BRAF: variants seen among roughly 807,000 people sequenced by gnomAD.
The protein encoded by BRAF is serine/threonine-protein kinase B-raf.
In BRAF, 16 loss-of-function variants were observed where a neutral mutation model predicts 104.6. The ratio of observed to expected loss-of-function variants is 0.15; its 90% CI spans 0.10 to 0.23. BRAF has a LOEUF of 0.23. Ranked by LOEUF, BRAF falls within the 10% of genes least tolerant of loss-of-function variation. The pLI is 1.00. For synonymous variants in BRAF, 310 were observed against 341.6 expected (o/e 0.91, Z 1.02); for missense variants, 541 against 937.3 (o/e 0.58, Z 5.52).
At chr7:140,750,345 C>A (rs28577882) in intron 16 of BRAF, among the ~76,000 whole-genome samples, 16,879 of 152,144 alleles carry the variant, frequency 0.11, 1,132 homozygotes, top group African/African-American at 0.19. Flanking sequence ...GTAAGGCAGG[C>A]ATCTCACAAG....
intron 1 of BRAF, among the ~76,000 whole-genome samples, chr7:140,891,053 CACAGT>C (rs1814163715): frequency 6.6e-6 from 1 of 152,140 alleles, no homozygotes; most frequent in Non-Finnish European, 1.5e-5. Context: ...GATTTGAACT[CACAGT>C]ACAGTAGAGG....
chr7:140,858,759 T>C (rs983878685), intron 1 of BRAF, among the ~76,000 whole-genome samples: 10 of 152,132 alleles, frequency 6.6e-5, no homozygotes, highest in African/African-American at 2.4e-4. Flanking sequence ...TTAGGAGATA[T>C]ACACACAGTA....
chr7:140,893,321 C>T (rs1032710019), intron 1 of BRAF, among the ~76,000 whole-genome samples: 12 of 151,476 alleles, frequency 7.9e-5, no homozygotes, highest in African/African-American at 2.7e-4. Flanking sequence ...GCGATCTCAG[C>T]TCACTGCAAG....
At chr7:140,792,237 T>C (rs1412584809) in intron 8 of BRAF, among the ~76,000 whole-genome samples, 12 of 152,170 alleles carry the variant, frequency 7.9e-5, no homozygotes. Flanking sequence ...AAAACCACAT[T>C]ATTGACAGTC....
At chr7:140,781,749 T>C (rs1800898539) in intron 11 of BRAF, 56 bp from the exon 11 acceptor site, 2 of 1,391,882 alleles carry the variant, frequency 1.4e-6, no homozygotes, top group Middle Eastern at 1.8e-4. Context: ...GAAAACCTTA[T>C]GTTTCACCCT....
At position 140,870,934 on chromosome 7, in the gene BRAF, G is replaced by C. The variant is rs114624480; in HGVS notation, c.139-20722C>G. ...TTAGATGCAAATCACATGTTCAAGA[G>C]TAACTCAGTCTGGCTGGGCGCGGTG... On this transcript the variant is annotated intron_variant, in intron 1 of 19. Transcript: ENST00000644969. Among the ~76,000 whole-genome samples the C allele has an allele frequency of 5.5e-3, 831 of 151,204 alleles. 7 individuals are homozygous for C. The highest frequency in any genetic ancestry group is 0.019 in the African/African-American group (778 of 41,238).
intron 2 of BRAF, among the ~76,000 whole-genome samples, chr7:140,842,957 GAGA>G (rs1808131541): frequency 6.6e-6 from 1 of 152,172 alleles, no homozygotes; most frequent in South Asian, 2.1e-4. Context: ...CTACAATGAA[GAGA>G]AGAAGCAAGA....
chr7:140,732,355 A>C (rs904489946), intron 19 of BRAF: 2 of 151,936 alleles, frequency 1.3e-5, no homozygotes, highest in African/African-American at 2.4e-5. Flanking sequence ...TAATGTTTTT[A>C]TTTGGAGAAT....
At chr7:140,826,488 A>G (rs1191687400) in intron 3 of BRAF, among the ~76,000 whole-genome samples, 1 of 152,148 alleles carries the variant, frequency 6.6e-6, no homozygotes, top group African/African-American at 2.4e-5. Context: ...TTTCCATCAC[A>G]CCATTTGAAG....
intron 14 of BRAF, among the ~76,000 whole-genome samples, chr7:140,764,686 C>T (rs1448103466): frequency 6.6e-6 from 1 of 152,190 alleles, no homozygotes; most frequent in African/African-American, 2.4e-5. Context: ...CATGAGTGAA[C>T]TTCCATTCAC....
intron 1 of BRAF, among the ~76,000 whole-genome samples, chr7:140,895,061 G>A (rs1412881797): frequency 2.0e-5 from 3 of 152,076 alleles, no homozygotes; most frequent in South Asian, 2.1e-4. Context: ...AAACACAGTC[G>A]TAAAATCCCT....
intron 1 of BRAF, among the ~76,000 whole-genome samples, chr7:140,862,813 A>T (rs1405640522): frequency 6.6e-6 from 1 of 152,178 alleles, no homozygotes; most frequent in Non-Finnish European, 1.5e-5. Flanking sequence ...ATGGCTATAC[A>T]ACTCTATGAA....
rs56106918 is a variant in BRAF, at chr7:140,867,135, G to C, written c.139-16923C>G. On this transcript the variant is annotated intron_variant, in intron 1 of 19. Transcript: ENST00000644969. ...ACCAACCTTATACAGTGCCTACCTTGTGCCAGGCTCCATGAGGCTGGGACT... is the reference window on the plus strand; with the variant it reads ...ACCAACCTTATACAGTGCCTACCTTCTGCCAGGCTCCATGAGGCTGGGACT... Among the ~76,000 whole-genome samples the C allele has an allele frequency of 1.2e-4, 19 of 152,186 alleles. No homozygotes were observed. The South Asian group carries it at 1.5e-3, about 12-fold the overall frequency.
At chr7:140,784,446 G>T (rs925085233) in intron 10 of BRAF, among the ~76,000 whole-genome samples, 1 of 151,994 alleles carries the variant, frequency 6.6e-6, no homozygotes, top group Non-Finnish European at 1.5e-5. Flanking sequence ...TAGTTTTATT[G>T]TATCACTTAA....
chr7:140,840,850 G>A (rs1807886883), intron 2 of BRAF, among the ~76,000 whole-genome samples: 2 of 151,136 alleles, frequency 1.3e-5, no homozygotes, highest in Admixed American at 1.3e-4. Flanking sequence ...GGGCAGGTGG[G>A]ACTACAGGCA....
intron 12 of BRAF, among the ~76,000 whole-genome samples, chr7:140,778,940 A>G (rs1800585460): frequency 6.6e-6 from 1 of 152,234 alleles, no homozygotes; most frequent in Non-Finnish European, 1.5e-5. Flanking sequence ...AAAAATGTTT[A>G]CAGCACCAGC....
chr7:140,725,795 A>T lies in BRAF; in HGVS notation c.*699T>A. ...CTATCTAGCCTGCTTGGTTAGACAG[A>T]CCCCTCAGTGAGCAAGGAAACAAAA... On this transcript the variant is annotated 3_prime_UTR_variant, in exon 20 of 20. Coordinates refer to ENST00000644969, the MANE Select transcript of BRAF (RefSeq NM_001374258.1). The T allele has an allele frequency of 6.6e-6, 7 of 1,063,192 alleles. No individual in the cohort carries two copies. The highest frequency in any genetic ancestry group is 8.0e-6 in the Non-Finnish European group (7 of 878,064). The allele number at this position is 1,063,192 out of a possible 1,614,324, so 65.9% of individuals were successfully genotyped here.
intron 3 of BRAF, among the ~76,000 whole-genome samples, chr7:140,832,505 A>C (rs1806874639): frequency 6.6e-6 from 1 of 152,188 alleles, no homozygotes; most frequent in Non-Finnish European, 1.5e-5. Context: ...AGTTAAGAAA[A>C]GGGTTAACAG....
At chr7:140,747,522 C>T in intron 17 of BRAF, 1 of 593,180 alleles carries the variant, frequency 1.7e-6, no homozygotes, top group Non-Finnish European at 2.6e-6. Flanking sequence ...ATACTTGTTT[C>T]TATATTATAA....
Sources: gnomAD v4.1 joint callset for allele counts (sites outside exome capture counted in the v4.1 genomes callset) on GRCh38, gnomAD v4.1.1 for gene constraint, MANE v1.5 for transcripts, NCBI Gene and HGNC (gene_info 2026-07-23, HGNC 2026-07-21) for gene names.